PWWP2A: variants seen among roughly 807,000 people sequenced by gnomAD.
The protein encoded by PWWP2A is PWWP domain containing 2A.
PWWP2A carries 18 observed loss-of-function variants against 48.5 expected under a neutral mutation model. The ratio of observed to expected loss-of-function variants is 0.37; its 90% CI spans 0.26 to 0.55. PWWP2A has a LOEUF of 0.55. PWWP2A is among the 20% of genes least tolerant of loss of function. The pLI is 0.81. For missense variants in PWWP2A, 867 were observed against 976.4 expected (o/e 0.89, Z 1.49); for synonymous variants, 396 against 387.7 (o/e 1.02, Z -0.25).
intron 3 of PWWP2A, among the ~76,000 whole-genome samples, chr5:160,079,686 A>T (rs1375796626): frequency 1.3e-5 from 2 of 152,194 alleles, no homozygotes; most frequent in Non-Finnish European, 2.9e-5. Context: ...GGCCTATTTA[A>T]GTTCAGTTAA....
chr5:160,053,203 T>C, the PWWP2A span, among the ~76,000 whole-genome samples: 2 of 152,236 alleles, frequency 1.3e-5, no homozygotes, highest in Non-Finnish European at 2.9e-5. Context: ...TTAGAAGTTC[T>C]GAGCAAGCTT....
intron 2 of PWWP2A, among the ~76,000 whole-genome samples, chr5:160,067,240 TAG>T (rs1032480275): frequency 2.0e-5 from 3 of 152,034 alleles, no homozygotes; most frequent in Non-Finnish European, 2.9e-5. Flanking sequence ...GTGAAAAAAA[TAG>T]ACTCTTTAAT....
downstream of PWWP2A, chr5:160,089,716 C>T (rs1754915208): frequency 4.0e-6 from 5 of 1,252,224 alleles, no homozygotes; most frequent in Admixed American, 1.0e-4. Flanking sequence ...TTGGTTTCTC[C>T]CCTGGCCAAT....
chr5:160,056,926 C>T (rs1468241003), downstream of PWWP2A, among the ~76,000 whole-genome samples: 2 of 152,146 alleles, frequency 1.3e-5, no homozygotes, highest in East Asian at 1.9e-4. Flanking sequence ...TGACTTGTTA[C>T]CACCCCTCTT....
At chr5:160,109,746 G>T in intron 1 of PWWP2A, among the ~76,000 whole-genome samples, 1 of 66,182 alleles carries the variant, frequency 1.5e-5, no homozygotes, top group South Asian at 5.0e-4. Flanking sequence ...AATGCAAGAG[G>T]ATGCAACTGG....
intron 1 of PWWP2A, among the ~76,000 whole-genome samples, chr5:160,117,656 C>CAA (rs1288427863): frequency 7.7e-5 from 8 of 103,982 alleles, no homozygotes; most frequent in East Asian, 2.7e-4. Context: ...GACTCCGTCT[C>CAA]AAAAAAAAAA....
In PWWP2A at chr5:160,092,205, T is replaced by TA; in HGVS notation, c.*176dup. 7.5e-7 allele frequency: 1 copy of TA among 1,329,484 alleles called. No individual in the cohort carries two copies. The highest frequency in any genetic ancestry group is 1.5e-5 in the African/African-American group (1 of 68,120). 82.4% of individuals were successfully genotyped at this position (1,329,484 alleles called of 1,614,324 possible). On this transcript the variant is annotated 3_prime_UTR_variant, in exon 2 of 2. Transcript: ENST00000307063. ...ACTTCCTTAACACAAAATTTGATTA[T>TA]ATGTTCAGTTTAAGCTCTCAGTCTA... is the stretch of plus-strand genomic sequence containing the variant.
chr5:160,069,654 A>T (rs2113440797), intron 2 of PWWP2A, among the ~76,000 whole-genome samples: 1 of 152,296 alleles, frequency 6.6e-6, no homozygotes, highest in East Asian at 1.9e-4. Flanking sequence ...ACTTGAGCTC[A>T]GAAGTTTGAG....
At chr5:160,100,861 C>A (rs1210762610) in intron 1 of PWWP2A, among the ~76,000 whole-genome samples, 1 of 152,172 alleles carries the variant, frequency 6.6e-6, no homozygotes, top group East Asian at 1.9e-4. Flanking sequence ...ACGATACAAT[C>A]CAGCAATCCC....
chr5:160,052,050 T>C, the PWWP2A span, among the ~76,000 whole-genome samples: 1 of 152,308 alleles, frequency 6.6e-6, no homozygotes. Context: ...GCCAAGTTGA[T>C]TGAGAGGAGG....
At chr5:160,112,441 T>C (rs1414194478) in intron 1 of PWWP2A, among the ~76,000 whole-genome samples, 1 of 152,008 alleles carries the variant, frequency 6.6e-6, no homozygotes, top group Admixed American at 6.6e-5. Context: ...AGGATGGTCT[T>C]GAACTCCTGA....
chr5:160,084,823 A>C (rs1354929836), intron 2 of PWWP2A, among the ~76,000 whole-genome samples: 4 of 152,028 alleles, frequency 2.6e-5, no homozygotes, highest in African/African-American at 9.7e-5. Flanking sequence ...TTTACACTCA[A>C]CTCGATGACA....
downstream of PWWP2A, among the ~76,000 whole-genome samples, chr5:160,087,881 T>A (rs559327319): frequency 6.6e-6 from 1 of 152,324 alleles, no homozygotes; most frequent in Non-Finnish European, 1.5e-5. Flanking sequence ...GTTGTTTATC[T>A]TATATTAGTG....
intron 1 of PWWP2A, chr5:160,116,797 T>A: frequency 1.0e-6 from 1 of 985,258 alleles, no homozygotes; most frequent in Non-Finnish European, 1.2e-6. Context: ...CTTACTATTA[T>A]ATACATCAGT....
chr5:160,109,774 A>AAAATATATAT (rs1554104831), intron 1 of PWWP2A, among the ~76,000 whole-genome samples: 10 of 25,226 alleles, frequency 4.0e-4, no homozygotes, highest in South Asian at 1.5e-3. Flanking sequence ...AAAAAAAAAA[A>AAAATATATAT]ATATATATAT....
downstream of PWWP2A, chr5:160,090,095 T>C (rs1754944911): frequency 4.1e-6 from 4 of 984,756 alleles, no homozygotes; most frequent in Middle Eastern, 1.6e-3. Context: ...TGGCATATCA[T>C]TTGTGATATG....
At position 160,093,923 on chromosome 5, in the gene PWWP2A, G is replaced by C. The variant is rs1484588181; in HGVS notation, c.727C>G (p.Pro243Ala). The C allele has an allele frequency of 6.2e-7, 1 of 1,614,042 alleles. No individual in the cohort carries two copies. The highest frequency in any genetic ancestry group is 1.7e-5 in the Admixed American group (1 of 60,022). Residue 243 changes from proline (P) to alanine (A), a missense_variant, in exon 2 of 2, where the codon CCT becomes GCT. By Grantham distance (27) the Pro-to-Ala change is conservative. Transcript: ENST00000307063. The surrounding 1 kb of genome is among the most constrained non-coding windows in gnomAD (Gnocchi z 5.8). Reference sequence around the variant, plus strand: ...AGCTCGGGATGCGGGACAGGAGAAGGGTCATCGGGAACAGCACCATTTGCT... The same window carrying C: ...AGCTCGGGATGCGGGACAGGAGAAGCGTCATCGGGAACAGCACCATTTGCT... ...CEANGAVPDD[P>A]SPVPHPELSL...
chr5:160,045,509 CA>C, the PWWP2A span, among the ~76,000 whole-genome samples: 5 of 76,086 alleles, frequency 6.6e-5, no homozygotes, highest in Admixed American at 1.8e-4. Flanking sequence ...CACACACACA[CA>C]CACATACACA....
chr5:160,072,502 A>G (rs1753761811), downstream of PWWP2A, among the ~76,000 whole-genome samples: 1 of 152,112 alleles, frequency 6.6e-6, no homozygotes, highest in South Asian at 2.1e-4. Flanking sequence ...GCGAGGTGGG[A>G]GGATTGCTTT....
Sources: allele counts gnomAD v4.1 joint callset (sites outside exome capture counted in the v4.1 genomes callset), GRCh38; gene constraint gnomAD v4.1.1; non-coding constraint Gnocchi (gnomAD v3.1); transcripts MANE v1.5; gene names NCBI Gene and HGNC (gene_info 2026-07-23, HGNC 2026-07-21).